The following RPL7L1 variants were observed in gnomAD, a reference collection of about 807,000 sequenced individuals.
RPL7L1 encodes the protein ribosomal protein L7 like 1.
RPL7L1 carries 20 observed loss-of-function variants against 30.3 expected under a neutral mutation model. That is an observed-to-expected ratio of 0.66 (90% CI 0.46 to 0.96). The LOEUF (loss-of-function observed/expected upper bound fraction) is 0.96. RPL7L1 is among the 40% of genes least tolerant of loss of function. The pLI, the probability that RPL7L1 is intolerant of heterozygous loss-of-function variation, is 0.00. For synonymous variants in RPL7L1, 107 were observed against 110.1 expected, an observed-to-expected ratio of 0.97 and a Z score of 0.18; for missense variants, 271 against 314.9, an observed-to-expected ratio of 0.86 and a Z score of 1.05.
chr6:42,886,574 A>G lies in RPL7L1; in HGVS notation c.*110A>G. On this transcript the variant is annotated 3_prime_UTR_variant, in exon 6 of 6. Transcript: ENST00000493763. Reference sequence around the variant, plus strand: ...TTACTAGTATTTAAGAGTAACCTTGAGATTGGGAGGAATAGAGGAGGCTGG... The same window carrying G: ...TTACTAGTATTTAAGAGTAACCTTGGGATTGGGAGGAATAGAGGAGGCTGG... The G allele has an allele frequency of 1.5e-6, 1 of 679,938 alleles. No homozygotes were observed. The allele number at this position is 679,938 out of a possible 1,614,324, so 42.1% of individuals were successfully genotyped here. A position where few individuals can be genotyped will look rare whatever the true frequency, so the allele number is the denominator to read the frequency against.
At chr6:42,882,341 C>A (rs1766109482) in intron 2 of RPL7L1, 1 of 146,394 alleles carries the variant, frequency 6.8e-6, no homozygotes, top group African/African-American at 2.5e-5. Context: ...TCTGTAATCC[C>A]AACACTTTGG....
At chr6:42,880,099 G>A (rs963970845) in intron 1 of RPL7L1, 148 bp downstream of exon 1, 56 of 831,256 alleles carry the variant, frequency 6.7e-5, no homozygotes, top group Middle Eastern at 2.3e-4. Context: ...GAGGAGTAGC[G>A]CTGTGGCGGA....
In RPL7L1 at chr6:42,888,768, G is replaced by A. The variant is rs1766373242; in HGVS notation, c.*2304G>A. On this transcript the variant is annotated 3_prime_UTR_variant, in exon 6 of 6. Coordinates refer to ENST00000493763, the MANE Select transcript of RPL7L1 (RefSeq NM_001366481.3). ...AAATTAGCACTGTTTGGCTCGTTAG[G>A]CCCCAGGCAGGCAGGCACCTTAATT... is the stretch of plus-strand genomic sequence containing the variant. 1 of 152,182 alleles carries A rather than the reference G, an allele frequency of 6.6e-6. No individual in the cohort carries two copies. The highest frequency in any genetic ancestry group is 2.1e-4 in the South Asian group (1 of 4,830). The allele number at this position is 152,182 out of a possible 1,614,324, so 9.4% of individuals were successfully genotyped here.
At chr6:42,884,892 G>T in intron 4 of RPL7L1, 142 bp downstream of exon 4, 1 of 764,540 alleles carries the variant, frequency 1.3e-6, no homozygotes, top group Non-Finnish European at 2.1e-6. Flanking sequence ...TCAGTGGGTA[G>T]CTGTAATAAC....
chr6:42,884,136 T>C (rs545536892), intron 3 of RPL7L1, among the ~76,000 whole-genome samples: 3 of 152,336 alleles, frequency 2.0e-5, no homozygotes, highest in East Asian at 3.9e-4. Flanking sequence ...TGCATGTTTA[T>C]GAGCTCTGTC....
In RPL7L1 at chr6:42,888,799, C is replaced by T. The variant is rs560695596; in HGVS notation, c.*2335C>T. The stretch of plus-strand genomic sequence containing the variant: ...GGCAGGCAGGCACCTTAATTTTTTC[C>T]TTGCATATTCTAGTCTTCAGAAGCA... On this transcript the variant is annotated 3_prime_UTR_variant, in exon 6 of 6. Coordinates refer to ENST00000493763, the MANE Select transcript of RPL7L1 (RefSeq NM_001366481.3). 6.6e-6 allele frequency: 1 copy of T among 152,262 alleles called. No homozygotes were observed. Among genetic ancestry groups the T allele is most frequent in the East Asian group, 1.9e-4 (1 of 5,178 alleles). The allele number at this position is 152,262 out of a possible 1,614,324, so 9.4% of individuals were successfully genotyped here. A position where few individuals can be genotyped will look rare whatever the true frequency, so the allele number is the denominator to read the frequency against.
rs748669382 is a variant in RPL7L1, at chr6:42,883,628, G to A, written c.311+14G>A. The A allele has an allele frequency of 6.4e-7, 1 of 1,567,708 alleles. No homozygotes were observed. The highest frequency in any genetic ancestry group is 8.6e-7 in the Non-Finnish European group (1 of 1,158,334). ...ACGCATCGAAAGGTAAGGAACTGGT[G>A]TCTTTCTAATTGCATGAGGCTGGGG... On this transcript the variant is annotated intron_variant, in intron 3 of 5. Transcript: ENST00000493763.
intron 1 of RPL7L1, among the ~76,000 whole-genome samples, 194 bp downstream of exon 1, chr6:42,880,145 G>T (rs550678536): frequency 2.0e-5 from 3 of 152,134 alleles, no homozygotes; most frequent in Non-Finnish European, 4.4e-5. Context: ...CGGGTTATCT[G>T]GAGAGGCGAG....
In RPL7L1 at chr6:42,889,441, CAAAAAAAAAA is replaced by C. The variant is rs35319817; in HGVS notation, c.*2987_*2996del. 1 of 90,620 alleles carries C rather than the reference CAAAAAAAAAA, an allele frequency of 1.1e-5. No homozygotes were observed. Among genetic ancestry groups the C allele is most frequent in the Admixed American group, 1.3e-4 (1 of 7,966 alleles). 5.6% of individuals were successfully genotyped at this position (90,620 alleles called of 1,614,324 possible). A position where few individuals can be genotyped will look rare whatever the true frequency, so the allele number is the denominator to read the frequency against. ...GGGCAACAAAAGCAAAACTCTGTCT[CAAAAAAAAAA>C]AAAAAAAAAGTGCCAGCGTATGAGG... On this transcript the variant is annotated 3_prime_UTR_variant, in exon 6 of 6. Coordinates refer to ENST00000493763, the MANE Select transcript of RPL7L1 (RefSeq NM_001366481.3).
Position 42,879,749 on chromosome 6 carries a change from A to C in RPL7L1, c.-162A>C, listed in dbSNP as rs1765998127. On this transcript the variant is annotated 5_prime_UTR_variant, in exon 1 of 6. Transcript: ENST00000493763. ...AATAACACAGGCTCTAAAAACCCTA[A>C]GAAGCGGTGCAACTTTTGGCAGGAA... The C allele has an allele frequency of 1.6e-5, 11 of 684,792 alleles. No homozygotes were observed. The highest frequency in any genetic ancestry group is 7.2e-5 in the Admixed American group (3 of 41,476). The allele number at this position is 684,792 out of a possible 1,614,324, so 42.4% of individuals were successfully genotyped here. A position where few individuals can be genotyped will look rare whatever the true frequency, so the allele number is the denominator to read the frequency against.
At chr6:42,881,062 C>G (rs1766058397) in intron 2 of RPL7L1, 96 bp downstream of exon 2, 4 of 719,918 alleles carry the variant, frequency 5.6e-6, no homozygotes. Context: ...ACGAGCTCCC[C>G]CCAACGGTTT....
At position 42,884,809 on chromosome 6, in the gene RPL7L1, C is replaced by T; in HGVS notation, c.449+59C>T. The T allele has an allele frequency of 2.0e-6, 3 of 1,526,624 alleles. No homozygotes were observed. In the South Asian group the frequency reaches 3.5e-5, roughly 18 times the overall value. The allele number at this position is 1,526,624 out of a possible 1,614,324, so 94.6% of individuals were successfully genotyped here. A position where few individuals can be genotyped will look rare whatever the true frequency, so the allele number is the denominator to read the frequency against. On this transcript the variant is annotated intron_variant, in intron 4 of 5. Coordinates refer to ENST00000493763, the MANE Select transcript of RPL7L1 (RefSeq NM_001366481.3). ...ATTTCTATTTGAGTGTGTCAGGGTG[C>T]ACCGGGTATTGCTTTCCAGGGCTCA...
rs1371379137 is a variant in RPL7L1 at position 42,887,697 on chromosome 6, C to G, written c.*1233C>G. On this transcript the variant is annotated 3_prime_UTR_variant, in exon 6 of 6. Transcript: ENST00000493763. ...TGGGTGCTGTGTCATCTGAAATCGGCACATTCCATGGAGGAAGGAGTCCTG... is the reference window on the plus strand; with the variant it reads ...TGGGTGCTGTGTCATCTGAAATCGGGACATTCCATGGAGGAAGGAGTCCTG... 6.6e-6 allele frequency: 1 copy of G among 152,094 alleles called. No homozygotes were observed. The highest frequency in any genetic ancestry group is 6.6e-5 in the Admixed American group (1 of 15,266). 9.4% of individuals were successfully genotyped at this position (152,094 alleles called of 1,614,324 possible).
rs1581654639 is a variant in RPL7L1 at position 42,881,051 on chromosome 6, G to A, written c.147+85G>A. On this transcript the variant is annotated intron_variant, in intron 2 of 5. Coordinates refer to ENST00000493763, the MANE Select transcript of RPL7L1 (RefSeq NM_001366481.3). ...CATGTGTTGGACTACATTTGGTATT[G>A]ACGAGCTCCCCCCAACGGTTTGACA... is the stretch of plus-strand genomic sequence containing the variant. 6 of 763,682 alleles carry A rather than the reference G, an allele frequency of 7.9e-6. No individual in the cohort carries two copies. In the East Asian group the frequency reaches 1.5e-4, roughly 20 times the overall value. 47.3% of individuals were successfully genotyped at this position (763,682 alleles called of 1,614,324 possible).
rs1429197385 is a variant in RPL7L1, at chr6:42,887,594, A to T, written c.*1130A>T. 1 of 152,210 alleles carries T rather than the reference A, an allele frequency of 6.6e-6. No homozygotes were observed. The highest frequency in any genetic ancestry group is 2.4e-5 in the African/African-American group (1 of 41,432). 9.4% of individuals were successfully genotyped at this position (152,210 alleles called of 1,614,324 possible). On this transcript the variant is annotated 3_prime_UTR_variant, in exon 6 of 6. Coordinates refer to ENST00000493763, the MANE Select transcript of RPL7L1 (RefSeq NM_001366481.3). The stretch of plus-strand genomic sequence containing the variant: ...GAAACTCTGTCTCAAAAAAAAAGAA[A>T]AGACAGTAGCATATGTTCATGTCAA...
At position 42,883,511 on chromosome 6, in the gene RPL7L1, C is replaced by T. The variant is rs758304165; in HGVS notation, c.208C>T (p.Arg70Trp). 1.2e-5 allele frequency: 19 copies of T among 1,608,984 alleles called. No individual in the cohort carries two copies. Among genetic ancestry groups the T allele is most frequent in the Middle Eastern group, 1.7e-4 (1 of 5,998 alleles). Residue 70 changes from arginine to tryptophan, a missense_variant, in exon 3 of 6, where the codon CGG becomes TGG. Arg to Trp is a moderately radical substitution (Grantham distance 101). Coordinates refer to ENST00000493763, the MANE Select transcript of RPL7L1 (RefSeq NM_001366481.3). ...GGAATCATTCCTACATGATTCCTGG[C>T]GGCAGAAACGTGACAAGGTGCGTCT... ...RLESFLHDSW[R>W]QKRDKVRLRR...
intron 2 of RPL7L1, 22 bp from the exon 3 acceptor site, chr6:42,883,429 T>A: frequency 6.5e-7 from 1 of 1,533,420 alleles, no homozygotes; most frequent in Non-Finnish European, 8.8e-7. Context: ...AAGATGATGA[T>A]GATGGTCTGT....
chr6:42,885,681 CGTAGCCCCTAAG>C (rs1766241918), intron 4 of RPL7L1: 4 of 312,698 alleles, frequency 1.3e-5, no homozygotes, highest in Non-Finnish European at 2.5e-5. Flanking sequence ...AGGCCAGAGT[CGTAGCCCCTAAG>C]GTAAGCTAGG....
chr6:42,885,626 A>T (rs909475265), intron 4 of RPL7L1: 18 of 181,532 alleles, frequency 9.9e-5, no homozygotes, highest in African/African-American at 3.8e-4. Context: ...AAAAACTTGG[A>T]TTTTATTTCC....
Sources: allele counts gnomAD v4.1 joint callset (sites outside exome capture counted in the v4.1 genomes callset), GRCh38; gene constraint gnomAD v4.1.1; transcripts MANE v1.5; gene names NCBI Gene and HGNC (gene_info 2026-07-23, HGNC 2026-07-21).